The following ANKRD44 variants were observed in gnomAD, a reference collection of about 807,000 sequenced individuals.
ANKRD44 encodes the protein serine/threonine-protein phosphatase 6 regulatory ankyrin repeat subunit B.
In ANKRD44, 35 loss-of-function variants were observed where a neutral mutation model predicts 116.0. The ratio of observed to expected loss-of-function variants is 0.30; its 90% confidence interval spans 0.23 to 0.40. The LOEUF (loss-of-function observed/expected upper bound fraction) is 0.40. Ranked by LOEUF, ANKRD44 falls within the 10% of genes least tolerant of loss-of-function variation. The probability of loss-of-function intolerance (pLI) is 1.00; values close to 1 mark genes in which losing one functional copy is unlikely to be tolerated. For synonymous variants in ANKRD44, 435 were observed against 461.8 expected (o/e 0.94, Z 0.74); for missense variants, 1,014 against 1,242.6 (o/e 0.82, Z 2.77).
intron 1 of ANKRD44, among the ~76,000 whole-genome samples, chr2:197,286,117 T>C (rs1226806739): frequency 6.6e-6 from 1 of 152,206 alleles, no homozygotes; most frequent in African/African-American, 2.4e-5. Flanking sequence ...TGCTGCTCTA[T>C]AAGGGTCCCC....
intron 25 of ANKRD44, among the ~76,000 whole-genome samples, chr2:196,996,938 A>C (rs573404401): frequency 3.6e-4 from 54 of 151,306 alleles, no homozygotes; most frequent in South Asian, 1.0e-3. Context: ...ATATCCTTAG[A>C]CTCAATAATT....
intron 2 of ANKRD44, among the ~76,000 whole-genome samples, chr2:197,169,817 C>CT (rs1240358634): frequency 6.6e-6 from 1 of 152,086 alleles, no homozygotes; most frequent in South Asian, 2.1e-4. Context: ...TCCAGAGACT[C>CT]TAATTCTAGA....
Position 197,273,980 on chromosome 2 carries a change from AATATATATATAT to A in ANKRD44, c.27+36586_27+36597del, listed in dbSNP as rs1164251927. ...AACCACAAAAAAAAAAAAAAAAAAAAATATATATATATATATATATATATATATATATATATA... is the reference window on the plus strand; with the variant it reads ...AACCACAAAAAAAAAAAAAAAAAAAAATATATATATATATATATATATATA... On this transcript the variant is annotated intron_variant, in intron 1 of 27. Transcript: ENST00000282272. Among the ~76,000 whole-genome samples, 209 of 43,336 alleles carry A rather than the reference AATATATATATAT, an allele frequency of 4.8e-3. 1 individual carries two copies. Among genetic ancestry groups the A allele is most frequent in the South Asian group, 0.012 (11 of 940 alleles). The allele number at this position is 43,336 out of a possible 152,430, so 28.4% of individuals were successfully genotyped here.
intron 1 of ANKRD44, among the ~76,000 whole-genome samples, chr2:197,275,612 T>C (rs2083056033): frequency 6.6e-6 from 1 of 152,006 alleles, no homozygotes; most frequent in African/African-American, 2.4e-5. Flanking sequence ...TCTGTACTGA[T>C]GATCATTTAG....
At chr2:197,151,270 A>G (rs183945475) in intron 2 of ANKRD44, among the ~76,000 whole-genome samples, 1 of 152,188 alleles carries the variant, frequency 6.6e-6, no homozygotes, top group East Asian at 1.9e-4. Context: ...TGAACTCACA[A>G]GCCTAAGCCA....
In ANKRD44 at chr2:197,167,270, A is replaced by C. The variant is rs563354903; in HGVS notation, c.111+19753T>G. Reference sequence around the variant, plus strand: ...ACACATACATTTTTATTCTTTCATAAACTTCATATACATGCCACTATATTA... The same window carrying C: ...ACACATACATTTTTATTCTTTCATACACTTCATATACATGCCACTATATTA... On this transcript the variant is annotated intron_variant, in intron 2 of 27. Transcript: ENST00000282272. Among the ~76,000 whole-genome samples, 30 of 152,370 alleles carry C rather than the reference A, an allele frequency of 2.0e-4. No homozygotes were observed. The South Asian group carries it at 6.0e-3, about 31-fold the overall frequency.
At chr2:197,083,738 C>A (rs562081895) in intron 13 of ANKRD44, among the ~76,000 whole-genome samples, 9 of 152,226 alleles carry the variant, frequency 5.9e-5, no homozygotes, top group Non-Finnish European at 1.0e-4. Flanking sequence ...TTCAAAAATC[C>A]AAAATTCAAA....
intron 16 of ANKRD44, among the ~76,000 whole-genome samples, chr2:197,054,712 T>G (rs549039802): frequency 6.6e-6 from 1 of 152,308 alleles, no homozygotes; most frequent in East Asian, 1.9e-4. Context: ...TTATGACACT[T>G]TTCTGATGAG....
chr2:197,133,127 A>T (rs1298107283), intron 4 of ANKRD44, among the ~76,000 whole-genome samples: 1 of 152,220 alleles, frequency 6.6e-6, no homozygotes, highest in African/African-American at 2.4e-5. Context: ...AATCGGCTGG[A>T]TCACCACGTT....
At chr2:197,020,112 G>A (rs991629309) in intron 17 of ANKRD44, among the ~76,000 whole-genome samples, 44 of 152,076 alleles carry the variant, frequency 2.9e-4, no homozygotes, top group Middle Eastern at 3.4e-3. Flanking sequence ...CACCACATCC[G>A]GCCACACAAG....
At chr2:197,163,608 G>A (rs575607085) in intron 2 of ANKRD44, among the ~76,000 whole-genome samples, 1 of 152,302 alleles carries the variant, frequency 6.6e-6, no homozygotes, top group Admixed American at 6.5e-5. Flanking sequence ...TGGAAGAAGT[G>A]GGCTGGTGAT....
chr2:197,207,014 A>C (rs4850772), intron 1 of ANKRD44, among the ~76,000 whole-genome samples: 89,077 of 152,164 alleles, frequency 0.59, 30,393 homozygotes, highest in East Asian at 0.93. Flanking sequence ...GAAGTGATGG[A>C]TTTAAAAATC....
At chr2:197,022,342 G>A (rs750295783) in intron 17 of ANKRD44, among the ~76,000 whole-genome samples, 33 of 152,148 alleles carry the variant, frequency 2.2e-4, no homozygotes, top group Non-Finnish European at 4.4e-4. Flanking sequence ...TTCTGCTTTC[G>A]TTCCCTTGCA....
intron 1 of ANKRD44, among the ~76,000 whole-genome samples, chr2:197,196,095 G>A (rs1261270600): frequency 6.6e-6 from 1 of 152,192 alleles, no homozygotes; most frequent in African/African-American, 2.4e-5. Context: ...ACAGTTTCCT[G>A]TTTTGAAAAA....
At chr2:197,117,474 G>A (rs1422697567) in intron 8 of ANKRD44, among the ~76,000 whole-genome samples, 1 of 152,076 alleles carries the variant, frequency 6.6e-6, no homozygotes, top group Non-Finnish European at 1.5e-5. Context: ...TCCTCACCTC[G>A]TGATCTGCCT....
rs112454750 is a variant in ANKRD44, at chr2:196,995,621, T to C, written c.2749-160A>G. On this transcript the variant is annotated intron_variant, in intron 25 of 27. Transcript: ENST00000282272. ...AATTTTTTTTCTTCTCAACAACAAA[T>C]GGGCTCCAGACACTCTAAGAGTCCT... is the stretch of plus-strand genomic sequence containing the variant. Among the ~76,000 whole-genome samples, 471 of 152,118 alleles carry C rather than the reference T, an allele frequency of 3.1e-3. 2 individuals are homozygous for C. The highest frequency in any genetic ancestry group is 0.011 in the African/African-American group (444 of 41,500).
At chr2:197,181,104 T>A (rs2080493612) in intron 2 of ANKRD44, among the ~76,000 whole-genome samples, 1 of 152,212 alleles carries the variant, frequency 6.6e-6, no homozygotes, top group South Asian at 2.1e-4. Flanking sequence ...CACCTCCAGA[T>A]TTATTCCATT....
chr2:197,122,449 A>G (rs1049081726), intron 7 of ANKRD44, among the ~76,000 whole-genome samples: 2 of 152,200 alleles, frequency 1.3e-5, no homozygotes, highest in African/African-American at 4.8e-5. Context: ...TGATATAGAA[A>G]GTTATTCAGT....
rs75783134 is a variant in ANKRD44 at position 197,197,050 on chromosome 2, T to A, written c.28-9944A>T. Among the ~76,000 whole-genome samples, 6 of 152,262 alleles carry A rather than the reference T, an allele frequency of 3.9e-5. No individual in the cohort carries two copies. The East Asian group carries it at 9.6e-4, about 24-fold the overall frequency. ...TCTAAAATTTAAGGCAGTGGGTTGA[T>A]CAGGACCTGAATTAGTTTCTGCCTG... On this transcript the variant is annotated intron_variant, in intron 1 of 27. Coordinates refer to ENST00000282272, the MANE Select transcript of ANKRD44 (RefSeq NM_001195144.2).
Sources: allele counts gnomAD v4.1 joint callset (sites outside exome capture counted in the v4.1 genomes callset), GRCh38; gene constraint gnomAD v4.1.1; transcripts MANE v1.5; gene names NCBI Gene and HGNC (gene_info 2026-07-23, HGNC 2026-07-21).